CYB5D1: variants seen among roughly 807,000 people sequenced by gnomAD.
CYB5D1 encodes the protein cytochrome b5 domain-containing protein 1.
In CYB5D1, 30 loss-of-function variants were observed where a neutral mutation model predicts 24.3. The observed-to-expected ratio is 1.23, with a 90% CI of 0.92 to 1.67. CYB5D1 has a LOEUF of 1.67. Among genes scored for constraint, CYB5D1 ranks in the 40% most tolerant of loss-of-function variants. The probability of loss-of-function intolerance (pLI) is 0.00; values close to 1 mark genes in which losing one functional copy is unlikely to be tolerated. For synonymous variants in CYB5D1, 128 were observed against 123.2 expected (o/e 1.04, Z -0.26); for missense variants, 265 against 296.7 (o/e 0.89, Z 0.79).
Position 7,860,644 on chromosome 17 carries a change from A to T in CYB5D1, c.*1032A>T, listed in dbSNP as rs1463759960. On this transcript the variant is annotated 3_prime_UTR_variant, in exon 4 of 4. Transcript: ENST00000332439. ...TTTGTAGCCACTGCTCTCAGCAAGT[A>T]TTTGGGATGTGGCTTTGTCCTAGGA... is the stretch of plus-strand genomic sequence containing the variant. 6.6e-6 allele frequency: 1 copy of T among 152,198 alleles called. No individual in the cohort carries two copies. The highest frequency in any genetic ancestry group is 2.4e-5 in the African/African-American group (1 of 41,440). 9.4% of individuals were successfully genotyped at this position (152,198 alleles called of 1,614,324 possible).
At chr17:7,858,513 A>G in intron 2 of CYB5D1, 34 bp downstream of exon 2, 4 of 1,614,060 alleles carry the variant, frequency 2.5e-6, no homozygotes, top group Non-Finnish European at 3.4e-6. Context: ...TTGTGGGTAG[A>G]GGAAATGGAG....
At position 7,858,039 on chromosome 17, in the gene CYB5D1, C is replaced by G. The variant is rs1243802026; in HGVS notation, c.-96C>G. ...TGTCAGCGGATAAACGCTCTCCCCTCGGCTCCCGGACGCGACGGAGGTCGT... is the reference window on the plus strand; with the variant it reads ...TGTCAGCGGATAAACGCTCTCCCCTGGGCTCCCGGACGCGACGGAGGTCGT... On this transcript the variant is annotated 5_prime_UTR_variant, in exon 1 of 4. Transcript: ENST00000332439. 6.4e-7 allele frequency: 1 copy of G among 1,553,600 alleles called. No individual in the cohort carries two copies. Among genetic ancestry groups the G allele is most frequent in the Non-Finnish European group, 8.7e-7 (1 of 1,153,464 alleles).
chr17:7,859,264 C>T, intron 3 of CYB5D1, 118 bp from the exon 4 acceptor site: 4 of 756,808 alleles, frequency 5.3e-6, no homozygotes, highest in Non-Finnish European at 8.5e-6. Context: ...GCTTTTTTTT[C>T]CCGGGGCCGT....
Position 7,859,553 on chromosome 17 carries a change from G to T in CYB5D1, c.628G>T (p.Gly210Cys). Residue 210 changes from glycine (G) to cysteine (C), a missense_variant, in exon 4 of 4, where the codon GGT (glycine) becomes TGT (cysteine). Transcript: ENST00000332439. Reference protein sequence around the residue: ...EEEFDYLSMDGTLHTPAILLY... With the variant: ...EEEFDYLSMDCTLHTPAILLY... ...AGAATTTGACTATCTCAGTATGGAC[G>T]GTACACTTCACACACCTGCAATACT... 6.2e-7 allele frequency: 1 copy of T among 1,614,146 alleles called. No individual in the cohort carries two copies. The highest frequency in any genetic ancestry group is 8.5e-7 in the Non-Finnish European group (1 of 1,180,026).
In CYB5D1 at chr17:7,858,811, A is replaced by T. The variant is rs1427572933; in HGVS notation, c.443A>T (p.Glu148Val). The T allele has an allele frequency of 6.4e-7, 1 of 1,551,888 alleles. No individual in the cohort carries two copies. Among genetic ancestry groups the T allele is most frequent in the East Asian group, 2.3e-5 (1 of 44,438 alleles). ...ATCATTAACACGCTCACGTCGCAGG[A>T]GCACACACTGGAGGTGAGAACTGGT... Reference protein sequence around the residue: ...IRIINTLTSQEHTLEVGVLES... With the variant: ...IRIINTLTSQVHTLEVGVLES... The change falls in exon 3 of 4, where the codon GAG (glutamate) becomes GTG (valine). Residue 148 changes from glutamate (E) to valine (V), a missense_variant. Glu to Val is a moderately radical substitution (Grantham distance 121). Coordinates refer to ENST00000332439, the MANE Select transcript of CYB5D1 (RefSeq NM_144607.6).
At position 7,860,147 on chromosome 17, in the gene CYB5D1, C is replaced by CTT. The variant is rs57736014; in HGVS notation, c.*546_*547dup. On this transcript the variant is annotated 3_prime_UTR_variant, in exon 4 of 4. Transcript: ENST00000332439. ...TTATACTAGGTACTTCATATACCCT[C>CTT]TTTTTTTTTTTTGCCCCCAACAAAG... 7 of 147,266 alleles carry CTT rather than the reference C, an allele frequency of 4.8e-5. No individual in the cohort carries two copies. Among genetic ancestry groups the CTT allele is most frequent in the Non-Finnish European group, 7.5e-5 (5 of 66,990 alleles). The allele number at this position is 147,266 out of a possible 1,614,324, so 9.1% of individuals were successfully genotyped here.
chr17:7,859,295 C>T, intron 3 of CYB5D1, 87 bp from the exon 4 acceptor site: 4 of 1,070,694 alleles, frequency 3.7e-6, no homozygotes, highest in Non-Finnish European at 4.2e-6. Flanking sequence ...AAGCTGCTAT[C>T]TGCCAAGGGA....
At position 7,861,225 on chromosome 17, in the gene CYB5D1, G is replaced by C. The variant is rs760138792; in HGVS notation, c.*1613G>C. 5 of 152,098 alleles carry C rather than the reference G, an allele frequency of 3.3e-5. No homozygotes were observed. The highest frequency in any genetic ancestry group is 5.9e-5 in the Non-Finnish European group (4 of 68,024). 9.4% of individuals were successfully genotyped at this position (152,098 alleles called of 1,614,324 possible). A position where few individuals can be genotyped will look rare whatever the true frequency, so the allele number is the denominator to read the frequency against. ...GTGTGTCTTCTGGCAGGGGACACCA[G>C]GGCCCAGCACAGGAGAAGGTGGCCC... On this transcript the variant is annotated 3_prime_UTR_variant, in exon 4 of 4. Transcript: ENST00000332439.
At chr17:7,858,849 G>A in intron 3 of CYB5D1, 25 bp downstream of exon 3, 2 of 1,509,654 alleles carry the variant, frequency 1.3e-6, no homozygotes, top group Non-Finnish European at 1.8e-6. Context: ...CAAGGAGCAG[G>A]TTAGAAGGAA....
At position 7,859,424 on chromosome 17, in the gene CYB5D1, C is replaced by T. The variant is rs1461545774; in HGVS notation, c.499C>T (p.Leu167Phe). 2 of 1,614,114 alleles carry T rather than the reference C, an allele frequency of 1.2e-6. No individual in the cohort carries two copies. Among genetic ancestry groups the T allele is most frequent in the South Asian group, 1.1e-5 (1 of 91,080 alleles). ...CATATGGGAAATCCTACACCGCTAT[C>T]TCCCCTATAACTCACATGCTGCCAG... ...ESIWEILHRY[L>F]PYNSHAASYT... The change falls in exon 4 of 4, where the codon CTC (leucine) becomes TTC (phenylalanine). Residue 167 changes from leucine to phenylalanine, a missense_variant. By Grantham distance (22) the Leu-to-Phe change is conservative (BLOSUM62 0). Coordinates refer to ENST00000332439, the MANE Select transcript of CYB5D1 (RefSeq NM_144607.6).
chr17:7,859,699 G>A lies in CYB5D1; in HGVS notation c.*87G>A. ...TTGAGGAAAAGTGGTGGGGCCGAGG[G>A]GTGCCTGGACCCAGATCTCCACTCC... On this transcript the variant is annotated 3_prime_UTR_variant, in exon 4 of 4. Coordinates refer to ENST00000332439, the MANE Select transcript of CYB5D1 (RefSeq NM_144607.6). 3 of 1,249,156 alleles carry A rather than the reference G, an allele frequency of 2.4e-6. No homozygotes were observed. The highest frequency in any genetic ancestry group is 1.3e-5 in the South Asian group (1 of 78,090). The allele number at this position is 1,249,156 out of a possible 1,614,324, so 77.4% of individuals were successfully genotyped here.
chr17:7,858,727 G>A lies in CYB5D1; in HGVS notation c.359G>A (p.Trp120Ter). ...SDWANDFGKP[W>*]WQGSYYEVGR... ...TGGGCCAACGATTTTGGGAAGCCCT[G>A]GTGGCAGGGGTCGTATTATGAGGTG... is the stretch of plus-strand genomic sequence containing the variant. Residue 120 changes from tryptophan to a stop codon, truncating the protein, a stop_gained, in exon 3 of 4, where the codon TGG (tryptophan) becomes TAG (stop). Coordinates refer to ENST00000332439, the MANE Select transcript of CYB5D1 (RefSeq NM_144607.6). LOFTEE classifies it high-confidence loss of function. 6.2e-7 allele frequency: 1 copy of A among 1,607,902 alleles called. No individual in the cohort carries two copies. Among genetic ancestry groups the A allele is most frequent in the African/African-American group, 1.3e-5 (1 of 74,802 alleles).
chr17:7,859,723 C>G lies in CYB5D1; in HGVS notation c.*111C>G. On this transcript the variant is annotated 3_prime_UTR_variant, in exon 4 of 4. Coordinates refer to ENST00000332439, the MANE Select transcript of CYB5D1 (RefSeq NM_144607.6). Reference sequence around the variant, plus strand: ...GGGTGCCTGGACCCAGATCTCCACTCCTCTCCAGGAGCTAGCCTGTGCCCT... The same window carrying G: ...GGGTGCCTGGACCCAGATCTCCACTGCTCTCCAGGAGCTAGCCTGTGCCCT... The G allele has an allele frequency of 1.1e-6, 1 of 896,790 alleles. No homozygotes were observed. 55.6% of individuals were successfully genotyped at this position (896,790 alleles called of 1,614,324 possible). A position where few individuals can be genotyped will look rare whatever the true frequency, so the allele number is the denominator to read the frequency against.
chr17:7,859,205 T>G, intron 3 of CYB5D1, 177 bp from the exon 4 acceptor site: 1 of 613,862 alleles, frequency 1.6e-6, no homozygotes, highest in Non-Finnish European at 2.9e-6. Context: ...GTGGCTGCCA[T>G]TAAGATCTGT....
In CYB5D1 at chr17:7,858,069, G is replaced by A; in HGVS notation, c.-66G>A. The A allele has an allele frequency of 1.3e-6, 2 of 1,597,196 alleles. No individual in the cohort carries two copies. The highest frequency in any genetic ancestry group is 1.3e-5 in the African/African-American group (1 of 74,840). On this transcript the variant is annotated 5_prime_UTR_variant, in exon 1 of 4. Coordinates refer to ENST00000332439, the MANE Select transcript of CYB5D1 (RefSeq NM_144607.6). ...CCCGGACGCGACGGAGGTCGTAGTA[G>A]TAGTGAGTACGTGCTGAGGAGCAAA...
chr17:7,859,900 A>G lies in CYB5D1; in HGVS notation c.*288A>G. ...GTCAGAGTTCAGGCAGAACTGTTTG[A>G]TAGTTAAGAGAGAGTAGTTCTACAG... On this transcript the variant is annotated 3_prime_UTR_variant, in exon 4 of 4. Transcript: ENST00000332439. 2.4e-6 allele frequency: 1 copy of G among 419,832 alleles called. No homozygotes were observed. The highest frequency in any genetic ancestry group is 2.6e-5 in the South Asian group (1 of 38,954). 26.0% of individuals were successfully genotyped at this position (419,832 alleles called of 1,614,324 possible). A position where few individuals can be genotyped will look rare whatever the true frequency, so the allele number is the denominator to read the frequency against.
chr17:7,859,201 G>A (rs1490145828), intron 3 of CYB5D1, 181 bp from the exon 4 acceptor site: 2 of 609,902 alleles, frequency 3.3e-6, no homozygotes, highest in South Asian at 2.0e-5. Context: ...AGAAGTGGCT[G>A]CCATTAAGAT....
Position 7,859,833 on chromosome 17 carries a change from G to T in CYB5D1, c.*221G>T. On this transcript the variant is annotated 3_prime_UTR_variant, in exon 4 of 4. Transcript: ENST00000332439. Reference sequence around the variant, plus strand: ...GAATTAATCTTTGGGAATGATACAAGAAGATCAAGTACCTTGGTTTAGGGA... The same window carrying T: ...GAATTAATCTTTGGGAATGATACAATAAGATCAAGTACCTTGGTTTAGGGA... The T allele has an allele frequency of 3.6e-6, 2 of 549,290 alleles. No individual in the cohort carries two copies. The highest frequency in any genetic ancestry group is 6.5e-6 in the Non-Finnish European group (2 of 306,580). The allele number at this position is 549,290 out of a possible 1,614,324, so 34.0% of individuals were successfully genotyped here.
rs1257448351 is a variant in CYB5D1, at chr17:7,859,837, A to T, written c.*225A>T. Reference sequence around the variant, plus strand: ...TAATCTTTGGGAATGATACAAGAAGATCAAGTACCTTGGTTTAGGGAGATG... The same window carrying T: ...TAATCTTTGGGAATGATACAAGAAGTTCAAGTACCTTGGTTTAGGGAGATG... On this transcript the variant is annotated 3_prime_UTR_variant, in exon 4 of 4. Coordinates refer to ENST00000332439, the MANE Select transcript of CYB5D1 (RefSeq NM_144607.6). The T allele has an allele frequency of 1.8e-6, 1 of 543,044 alleles. No individual in the cohort carries two copies. The highest frequency in any genetic ancestry group is 1.9e-5 in the African/African-American group (1 of 52,810). 33.6% of individuals were successfully genotyped at this position (543,044 alleles called of 1,614,324 possible). A position where few individuals can be genotyped will look rare whatever the true frequency, so the allele number is the denominator to read the frequency against.
Sources: allele counts gnomAD v4.1 joint callset, GRCh38; gene constraint gnomAD v4.1.1; transcripts MANE v1.5; gene names NCBI Gene and HGNC (gene_info 2026-07-23, HGNC 2026-07-21).